SNX16: variants seen among roughly 807,000 people sequenced by gnomAD.
The protein encoded by SNX16 is sorting nexin 16.
SNX16 carries 35 observed loss-of-function variants against 36.7 expected under a neutral mutation model. The ratio of observed to expected loss-of-function variants is 0.95; its 90% CI spans 0.73 to 1.27. SNX16 has a LOEUF of 1.27. SNX16 is among the 50% of genes most tolerant of loss of function. The pLI is 0.00. For synonymous variants in SNX16, 134 were observed against 132.0 expected (o/e 1.02, Z -0.10); for missense variants, 367 against 393.6 (o/e 0.93, Z 0.57).
intron 2 of SNX16, 72 bp downstream of exon 2, chr8:81,839,540 A>T: frequency 7.3e-7 from 1 of 1,367,722 alleles, no homozygotes; most frequent in Non-Finnish European, 9.9e-7. Context: ...ACATTAATTT[A>T]ACACTGGTTT....
chr8:81,815,094 T>C (rs56291867), intron 5 of SNX16: 17,020 of 224,940 alleles, frequency 0.076, 894 homozygotes, highest in East Asian at 0.17. Context: ...GATTTAATTT[T>C]AGAGCTTTAT....
chr8:81,805,141 C>A (rs1199475328), intron 5 of SNX16, among the ~76,000 whole-genome samples: 1 of 151,844 alleles, frequency 6.6e-6, no homozygotes, highest in African/African-American at 2.4e-5. Flanking sequence ...CCAAAGACTG[C>A]AGAACACTGT....
At chr8:81,810,317 A>G (rs1253465918) in intron 5 of SNX16, among the ~76,000 whole-genome samples, 1 of 152,156 alleles carries the variant, frequency 6.6e-6, no homozygotes, top group Non-Finnish European at 1.5e-5. Flanking sequence ...TACCTTAAAT[A>G]GGGAACAGAG....
chr8:81,811,602 C>T (rs956366694), intron 5 of SNX16, among the ~76,000 whole-genome samples: 4 of 152,124 alleles, frequency 2.6e-5, no homozygotes, highest in Non-Finnish European at 5.9e-5. Context: ...GAAAAGACAT[C>T]AGTGACCACA....
At chr8:81,832,255 C>T (rs1586016929) in intron 2 of SNX16, among the ~76,000 whole-genome samples, 1 of 152,108 alleles carries the variant, frequency 6.6e-6, no homozygotes, top group East Asian at 1.9e-4. Context: ...CAAATCATGT[C>T]CTTTGCAGCA....
Position 81,802,517 on chromosome 8 carries a change from C to A in SNX16, c.819-18G>T. The A allele has an allele frequency of 6.3e-7, 1 of 1,592,930 alleles. No homozygotes were observed. The highest frequency in any genetic ancestry group is 8.5e-7 in the Non-Finnish European group (1 of 1,169,728). ...ACAATGTTCTAAAAGTATGTTATAG[C>A]AACAAGTTATTTTCTATGAACAAAA... On this transcript the variant is annotated intron_variant, in intron 6 of 7. Transcript: ENST00000345957.
chr8:81,833,251 T>C (rs1811347796), intron 2 of SNX16, among the ~76,000 whole-genome samples: 1 of 152,006 alleles, frequency 6.6e-6, no homozygotes, highest in African/African-American at 2.4e-5. Flanking sequence ...TATACTTCTA[T>C]TGGACAGTGC....
At position 81,808,199 on chromosome 8, in the gene SNX16, G is replaced by A. The variant is rs546107006; in HGVS notation, c.682-4971C>T. ...GAAATCATGACTGACCAAGGCAGTGGCAAGAAAAGGGGCTTTGCCTTTGTA... is the reference window on the plus strand; with the variant it reads ...GAAATCATGACTGACCAAGGCAGTGACAAGAAAAGGGGCTTTGCCTTTGTA... On this transcript the variant is annotated intron_variant, in intron 5 of 7. Transcript: ENST00000345957. 8.3e-6 allele frequency: 11 copies of A among 1,328,030 alleles called. No homozygotes were observed. The Admixed American group carries it at 1.3e-4, about 16-fold the overall frequency. The allele number at this position is 1,328,030 out of a possible 1,614,324, so 82.3% of individuals were successfully genotyped here.
At chr8:81,810,230 C>G (rs933983840) in intron 5 of SNX16, among the ~76,000 whole-genome samples, 8 of 151,706 alleles carry the variant, frequency 5.3e-5, no homozygotes, top group African/African-American at 1.9e-4. Context: ...TGAATTTTCC[C>G]AAAAAAAGGT....
At chr8:81,832,497 G>A (rs534892988) in intron 2 of SNX16, among the ~76,000 whole-genome samples, 10 of 152,026 alleles carry the variant, frequency 6.6e-5, no homozygotes, top group African/African-American at 1.7e-4. Flanking sequence ...TTAGTATCCC[G>A]CAATATACCT....
intron 7 of SNX16, among the ~76,000 whole-genome samples, chr8:81,801,915 A>G (rs2130566253): frequency 6.6e-6 from 1 of 151,834 alleles, no homozygotes; most frequent in South Asian, 2.1e-4. Flanking sequence ...CCACTAAACT[A>G]TTAACAATTA....
In SNX16 at chr8:81,803,087, C is replaced by G. The variant is rs763086323; in HGVS notation, c.818+5G>C. The G allele has an allele frequency of 1.4e-5, 22 of 1,600,098 alleles. No homozygotes were observed. The highest frequency in any genetic ancestry group is 8.5e-7 in the Non-Finnish European group (1 of 1,174,840). On this transcript the variant is annotated splice_donor_5th_base_variant and intron_variant, in intron 6 of 7. Coordinates refer to ENST00000345957, the MANE Select transcript of SNX16 (RefSeq NM_152836.3). ...CAGAGTAGAAATGCAAGTATCACAA[C>G]ACACCTGATTCTGTTCTCTAAAGTG...
At chr8:81,802,888 CTGA>C (rs1371806644) in intron 6 of SNX16, among the ~76,000 whole-genome samples, 2 of 151,658 alleles carry the variant, frequency 1.3e-5, no homozygotes, top group Non-Finnish European at 3.0e-5. Flanking sequence ...GCTTATTTTC[CTGA>C]TGTTTCCCAT....
intron 5 of SNX16, chr8:81,808,630 GC>G: frequency 1.1e-6 from 1 of 937,576 alleles, no homozygotes; most frequent in Non-Finnish European, 1.7e-6. Flanking sequence ...AGAAGCTCTG[GC>G]CCCCATGGTG....
chr8:81,822,032 A>G (rs1789884397), intron 4 of SNX16, among the ~76,000 whole-genome samples: 1 of 152,140 alleles, frequency 6.6e-6, no homozygotes, highest in African/African-American at 2.4e-5. Flanking sequence ...CATAGCTAGT[A>G]TCATCTTAGA....
At chr8:81,805,874 T>C (rs536606607) in intron 5 of SNX16, among the ~76,000 whole-genome samples, 1 of 151,994 alleles carries the variant, frequency 6.6e-6, no homozygotes, top group Non-Finnish European at 1.5e-5. Context: ...CAAGCCGAAA[T>C]AGCGCCACTG....
At chr8:81,830,244 T>G (rs1040226910) in intron 2 of SNX16, among the ~76,000 whole-genome samples, 6 of 151,872 alleles carry the variant, frequency 4.0e-5, no homozygotes, top group African/African-American at 1.5e-4. Flanking sequence ...AGAGGAAAGA[T>G]CTCTACAGGG....
intron 4 of SNX16, among the ~76,000 whole-genome samples, chr8:81,821,661 C>A (rs991844223): frequency 6.6e-6 from 1 of 151,818 alleles, no homozygotes; most frequent in African/African-American, 2.4e-5. Flanking sequence ...GTTTTCACCA[C>A]CTAGACCACA....
rs992548561 is a variant in SNX16 at position 81,834,168 on chromosome 8, G to T, written c.376-4652C>A. 6.6e-5 allele frequency among the ~76,000 whole-genome samples: 10 copies of T among 152,146 alleles called. No homozygotes were observed. In the South Asian group the frequency reaches 1.0e-3, roughly 16 times the overall value. Reference sequence around the variant, plus strand: ...GGAAAGTGAAGGCACATCTCACATGGCAGCAGACAAAAGAAGAGAGCTTGT... The same window carrying T: ...GGAAAGTGAAGGCACATCTCACATGTCAGCAGACAAAAGAAGAGAGCTTGT... On this transcript the variant is annotated intron_variant, in intron 2 of 7. Transcript: ENST00000345957.
Sources: gnomAD v4.1 joint callset for allele counts (sites outside exome capture counted in the v4.1 genomes callset) on GRCh38, gnomAD v4.1.1 for gene constraint, MANE v1.5 for transcripts, NCBI Gene and HGNC (gene_info 2026-07-23, HGNC 2026-07-21) for gene names.